UBTD2: variants seen among roughly 807,000 people sequenced by gnomAD.
UBTD2 encodes the protein ubiquitin domain-containing protein 2.
Under a neutral mutation model 19.8 loss-of-function variants are expected in UBTD2, and 9 were observed. The observed-to-expected ratio is 0.46, with a 90% CI of 0.27 to 0.79. The LOEUF (loss-of-function observed/expected upper bound fraction) is 0.79, where lower values mean the gene tolerates loss of function less well. UBTD2 is among the 30% of genes least tolerant of loss of function. The pLI is 0.14. For synonymous variants in UBTD2, 98 were observed against 103.9 expected, an observed-to-expected ratio of 0.94 and a Z score of 0.35; for missense variants, 250 against 300.4, an observed-to-expected ratio of 0.83 and a Z score of 1.24.
chr5:172,243,127 C>CTTT (rs377346393), intron 1 of UBTD2, among the ~76,000 whole-genome samples: 6 of 132,678 alleles, frequency 4.5e-5, no homozygotes, highest in Non-Finnish European at 6.4e-5. Flanking sequence ...CATGACTGGC[C>CTTT]TTTTTTTTTT....
chr5:172,263,691 G>C (rs767849863), intron 1 of UBTD2, among the ~76,000 whole-genome samples: 3 of 152,126 alleles, frequency 2.0e-5, no homozygotes, highest in Non-Finnish European at 4.4e-5. Context: ...CTACTCCGGA[G>C]GCTGAGGCAG....
At chr5:172,238,506 T>G (rs1301599434) in intron 1 of UBTD2, among the ~76,000 whole-genome samples, 1 of 152,220 alleles carries the variant, frequency 6.6e-6, no homozygotes, top group Non-Finnish European at 1.5e-5. Flanking sequence ...AAGTCATCTT[T>G]TTCTCAGAAA....
intron 1 of UBTD2, among the ~76,000 whole-genome samples, chr5:172,270,448 C>T (rs1395832519): frequency 6.7e-6 from 1 of 149,050 alleles, no homozygotes; most frequent in Admixed American, 6.7e-5. Flanking sequence ...CTCTGCCTCC[C>T]GGGTTCAAGC....
chr5:172,211,966 C>T lies in UBTD2; in HGVS notation c.569G>A (p.Gly190Asp), dbSNP rs1771457221. The T allele has an allele frequency of 3.1e-6, 5 of 1,614,064 alleles. No homozygotes were observed. Among genetic ancestry groups the T allele is most frequent in the Non-Finnish European group, 4.2e-6 (5 of 1,180,038 alleles). The change falls in exon 3 of 3, where the codon GGT becomes GAT. Residue 190 changes from glycine (G) to aspartate (D), a missense_variant. By Grantham distance (94) the Gly-to-Asp change is moderately conservative. Transcript: ENST00000393792. ...RLHAAEGVEPGSQRWFFSGRP... is the reference protein window; with the variant it reads ...RLHAAEGVEPDSQRWFFSGRP... The stretch of plus-strand genomic sequence containing the variant: ...GCCAGAAAAAAACCACCGCTGACTA[C>T]CTGGTTCCACTCCCTCTGCTGCATG...
chr5:172,248,207 A>G (rs1205553910), intron 1 of UBTD2, among the ~76,000 whole-genome samples: 1 of 152,246 alleles, frequency 6.6e-6, no homozygotes, highest in African/African-American at 2.4e-5. Flanking sequence ...GTCACATTAA[A>G]AGGGAAGAAA....
chr5:172,223,663 T>C (rs1038491022), intron 2 of UBTD2, among the ~76,000 whole-genome samples: 1 of 148,088 alleles, frequency 6.8e-6, no homozygotes, highest in Non-Finnish European at 1.5e-5. Flanking sequence ...CTAAGCACTT[T>C]ACATACATTA....
chr5:172,253,562 T>C (rs975663000), intron 1 of UBTD2, among the ~76,000 whole-genome samples: 1 of 152,014 alleles, frequency 6.6e-6, no homozygotes, highest in African/African-American at 2.4e-5. Context: ...CAAGCAATTC[T>C]CTTGCCTTGG....
chr5:172,265,132 G>A (rs1310382290), intron 1 of UBTD2, among the ~76,000 whole-genome samples: 1 of 152,136 alleles, frequency 6.6e-6, no homozygotes, highest in Admixed American at 6.6e-5. Context: ...AAGGATGACA[G>A]AATAAAATAC....
chr5:172,217,985 GA>G (rs1405439269), intron 2 of UBTD2, among the ~76,000 whole-genome samples: 4 of 152,064 alleles, frequency 2.6e-5, no homozygotes, highest in Admixed American at 1.3e-4. Flanking sequence ...ACCATCAATC[GA>G]TTTAATGTAA....
intron 2 of UBTD2, among the ~76,000 whole-genome samples, chr5:172,221,643 A>G (rs1771652848): frequency 6.6e-6 from 1 of 152,250 alleles, no homozygotes; most frequent in African/African-American, 2.4e-5. Context: ...CACTTTGGAA[A>G]AGGCAAAACT....
chr5:172,257,306 G>A (rs766073484), intron 1 of UBTD2, among the ~76,000 whole-genome samples: 1 of 152,214 alleles, frequency 6.6e-6, no homozygotes, highest in East Asian at 1.9e-4. Flanking sequence ...TTGCTGCAAA[G>A]GACATGACCT....
At chr5:172,244,253 G>C (rs1772191898) in intron 1 of UBTD2, among the ~76,000 whole-genome samples, 2 of 149,468 alleles carry the variant, frequency 1.3e-5, no homozygotes, top group African/African-American at 4.9e-5. Context: ...AATTTTATTT[G>C]ATGAATCAAT....
intron 2 of UBTD2, among the ~76,000 whole-genome samples, chr5:172,218,948 G>GAGA (rs1415829331): frequency 2.6e-5 from 4 of 151,018 alleles, no homozygotes; most frequent in Non-Finnish European, 5.9e-5. Context: ...TGAAATGAAA[G>GAGA]AGAAGACATC....
rs570576962 is a variant in UBTD2 at position 172,238,259 on chromosome 5, G to A, written c.71-3901C>T. On this transcript the variant is annotated intron_variant, in intron 1 of 2. Coordinates refer to ENST00000393792, the MANE Select transcript of UBTD2 (RefSeq NM_152277.3). ...GCTTGGTAATCATACATAGCATATA[G>A]GACTAGGTACCATGCTCTAACAGTG... Among the ~76,000 whole-genome samples, 17 of 152,224 alleles carry A rather than the reference G, an allele frequency of 1.1e-4. No homozygotes were observed. In the South Asian group the frequency reaches 2.1e-3, roughly 19 times the overall value.
chr5:172,260,848 G>A (rs1275271989), intron 1 of UBTD2, among the ~76,000 whole-genome samples: 1 of 152,132 alleles, frequency 6.6e-6, no homozygotes, highest in African/African-American at 2.4e-5. Context: ...AATTTAAAGA[G>A]AATATGAACT....
intron 1 of UBTD2, among the ~76,000 whole-genome samples, chr5:172,275,434 CAAG>C (rs949558843): frequency 6.6e-6 from 1 of 152,148 alleles, no homozygotes; most frequent in African/African-American, 2.4e-5. Context: ...TCTGAAATTA[CAAG>C]AATGATCCGT....
At chr5:172,228,613 C>T (rs1473511211) in intron 2 of UBTD2, among the ~76,000 whole-genome samples, 10 of 151,724 alleles carry the variant, frequency 6.6e-5, no homozygotes, top group Admixed American at 5.3e-4. Context: ...CTCAGCTACT[C>T]GGGAGGCTGA....
At chr5:172,253,760 A>G (rs979514882) in intron 1 of UBTD2, among the ~76,000 whole-genome samples, 7 of 143,308 alleles carry the variant, frequency 4.9e-5, no homozygotes, top group East Asian at 2.1e-4. Flanking sequence ...CCCCAACCCA[A>G]TGAATTCTTA....
chr5:172,263,802 C>T (rs1251015000), intron 1 of UBTD2, among the ~76,000 whole-genome samples: 1 of 150,536 alleles, frequency 6.6e-6, no homozygotes. Flanking sequence ...CAAAAAAAAC[C>T]ACAAAATCTT....
Sources: allele counts gnomAD v4.1 joint callset (sites outside exome capture counted in the v4.1 genomes callset), GRCh38; gene constraint gnomAD v4.1.1; transcripts MANE v1.5; gene names NCBI Gene and HGNC (gene_info 2026-07-23, HGNC 2026-07-21).